DHX34: variants seen among roughly 807,000 people sequenced by gnomAD.
DHX34 encodes DExH-box helicase 34, also known as probable ATP-dependent RNA helicase DHX34.
DHX34 carries 96 observed loss-of-function variants against 111.1 expected under a neutral mutation model. The observed-to-expected ratio is 0.86, with a 90% CI of 0.73 to 1.02. The LOEUF is 1.02. DHX34 is among the 50% of genes least tolerant of loss of function. The probability of loss-of-function intolerance (pLI) is 0.00; values close to 1 mark genes in which losing one functional copy is unlikely to be tolerated. For synonymous variants in DHX34, 688 were observed against 670.4 expected (o/e 1.03, Z -0.41); for missense variants, 1,560 against 1,579.9 (o/e 0.99, Z 0.21).
At chr19:47,369,930 G>T (rs568073485) in intron 7 of DHX34, among the ~76,000 whole-genome samples, 38 of 152,088 alleles carry the variant, frequency 2.5e-4, no homozygotes, top group African/African-American at 7.0e-4. Context: ...CTGATCTCAG[G>T]TCTTCAGTAG....
chr19:47,366,101 T>G (rs986554586), intron 6 of DHX34, among the ~76,000 whole-genome samples: 1 of 152,010 alleles, frequency 6.6e-6, no homozygotes, highest in African/African-American at 2.4e-5. Flanking sequence ...CCAGAGAGGA[T>G]GCTGGGAATG....
chr19:47,370,923 C>T (rs1038382751), intron 7 of DHX34, among the ~76,000 whole-genome samples: 5 of 152,236 alleles, frequency 3.3e-5, no homozygotes, highest in Non-Finnish European at 7.3e-5. Flanking sequence ...ATCCGCCAGC[C>T]TCGGCATCCC....
intron 3 of DHX34, among the ~76,000 whole-genome samples, chr19:47,356,133 GTCT>G (rs1252413721): frequency 6.6e-6 from 1 of 152,144 alleles, no homozygotes; most frequent in Non-Finnish European, 1.5e-5. Flanking sequence ...GATGCTAGTA[GTCT>G]TCTCCTCTGG....
At position 47,364,757 on chromosome 19, in the gene DHX34, G is replaced by A. The variant is rs558055656; in HGVS notation, c.1593+2064G>A. ...TGTCTCATAAAAAAACAAAGTCCAT[G>A]GGGTAGGTAGTCTTACCCTAATTTT... On this transcript the variant is annotated intron_variant, in intron 6 of 16. Coordinates refer to ENST00000328771, the MANE Select transcript of DHX34 (RefSeq NM_014681.6). 2.0e-5 allele frequency among the ~76,000 whole-genome samples: 3 copies of A among 152,170 alleles called. No individual in the cohort carries two copies. In the East Asian group the frequency reaches 5.8e-4, roughly 29 times the overall value.
chr19:47,376,649 C>T, intron 12 of DHX34, 89 bp downstream of exon 12: 3 of 1,499,318 alleles, frequency 2.0e-6, no homozygotes, highest in Non-Finnish European at 2.7e-6. Context: ...GCTGGGGCTC[C>T]CACACCGGCC....
rs1417696750 is a variant in DHX34, at chr19:47,382,121, C to T, written c.*8C>T. ...CGGAAGCAGCACGTGTGAGCTGGGC[C>T]AGGAGCCCTGCCCACCTCCGTGCAG... On this transcript the variant is annotated 3_prime_UTR_variant, in exon 17 of 17. Transcript: ENST00000328771. The T allele has an allele frequency of 6.2e-7, 1 of 1,613,534 alleles. No homozygotes were observed. Among genetic ancestry groups the T allele is most frequent in the Non-Finnish European group, 8.5e-7 (1 of 1,179,868 alleles).
In DHX34 at chr19:47,360,062, T is replaced by TA. The variant is rs1969580546; in HGVS notation, c.1368dup (p.Asp457ArgfsTer25). 1 of 1,613,812 alleles carries TA rather than the reference T, an allele frequency of 6.2e-7. No homozygotes were observed. Among genetic ancestry groups the TA allele is most frequent in the African/African-American group, 1.3e-5 (1 of 74,874 alleles). ...ACCATTGACGGGATCCGCTTCGTAG[T>TA]AGATTCCGGTAAGGACCACCATGAG... On this transcript the variant is annotated frameshift_variant, in exon 5 of 17. Transcript: ENST00000328771. LOFTEE classifies it high-confidence loss of function.
chr19:47,355,631 G>A (rs1379279676), intron 3 of DHX34, among the ~76,000 whole-genome samples: 1 of 152,006 alleles, frequency 6.6e-6, no homozygotes, highest in African/African-American at 2.4e-5. Flanking sequence ...GGTGGATCAC[G>A]AGGTCAGGAG....
chr19:47,350,660 T>C (rs1969257971), intron 1 of DHX34, among the ~76,000 whole-genome samples: 1 of 152,076 alleles, frequency 6.6e-6, no homozygotes, highest in South Asian at 2.1e-4. Context: ...CCTCAGGTGA[T>C]CTGCCTGCCT....
At position 47,379,698 on chromosome 19, in the gene DHX34, C is replaced by T; in HGVS notation, c.2707-12C>T. 6.3e-7 allele frequency: 1 copy of T among 1,586,406 alleles called. No individual in the cohort carries two copies. The highest frequency in any genetic ancestry group is 2.3e-5 in the East Asian group (1 of 44,202). ...CCCACCTACTCCCTGTCTTCTGCCC[C>T]CTCTCTTTCAGTCCCTCCTGCTTTT... On this transcript the variant is annotated splice_polypyrimidine_tract_variant and intron_variant, in intron 13 of 16. Transcript: ENST00000328771.
intron 3 of DHX34, among the ~76,000 whole-genome samples, chr19:47,355,745 G>C (rs1032676039): frequency 6.6e-6 from 1 of 151,996 alleles, no homozygotes; most frequent in Non-Finnish European, 1.5e-5. Context: ...CCAGCTACTC[G>C]GGAGGCTGAG....
Position 47,363,145 on chromosome 19 carries a change from G to A in DHX34, c.1593+452G>A, listed in dbSNP as rs533048237. On this transcript the variant is annotated intron_variant, in intron 6 of 16. Coordinates refer to ENST00000328771, the MANE Select transcript of DHX34 (RefSeq NM_014681.6). ...TTTTGTATTTTTTTTTAGTAGAGAT[G>A]GGGTTACACCATGTTAGCCAGGATG... Among the ~76,000 whole-genome samples, 4 of 151,972 alleles carry A rather than the reference G, an allele frequency of 2.6e-5. No homozygotes were observed. In the East Asian group the frequency reaches 7.8e-4, roughly 30 times the overall value.
At position 47,355,244 on chromosome 19, in the gene DHX34, A is replaced by T. The variant is rs764778236; in HGVS notation, c.911A>T (p.Asp304Val). 1.2e-6 allele frequency: 2 copies of T among 1,614,108 alleles called. No individual in the cohort carries two copies. Among genetic ancestry groups the T allele is most frequent in the Non-Finnish European group, 1.7e-6 (2 of 1,180,004 alleles). ...VLQRLLPTRP[D>V]LKVILMSATI... ...CAGCGCCTGTTGCCCACGCGGCCTG[A>T]CCTCAAGGTCATCCTCATGTCGGCC... Residue 304 changes from aspartate to valine, a missense_variant, in exon 3 of 17, where the codon GAC becomes GTC. By Grantham distance (152) the Asp-to-Val change is radical. Transcript: ENST00000328771.
intron 1 of DHX34, among the ~76,000 whole-genome samples, chr19:47,352,265 T>A (rs1374090980): frequency 6.6e-6 from 1 of 152,248 alleles, no homozygotes; most frequent in Non-Finnish European, 1.5e-5. Context: ...CACAGTCTGA[T>A]GACGTGTGTG....
At chr19:47,379,270 C>T (rs1970272298) in intron 13 of DHX34, among the ~76,000 whole-genome samples, 1 of 152,202 alleles carries the variant, frequency 6.6e-6, no homozygotes, top group Non-Finnish European at 1.5e-5. Context: ...GCCAGTCCTG[C>T]CCTTTCCTCT....
At position 47,372,910 on chromosome 19, in the gene DHX34, A is replaced by G. The variant is rs1347083567; in HGVS notation, c.1949A>G (p.Asn650Ser). 6.2e-7 allele frequency: 1 copy of G among 1,601,048 alleles called. No individual in the cohort carries two copies. Among genetic ancestry groups the G allele is most frequent in the East Asian group, 2.2e-5 (1 of 44,768 alleles). ...GDPFTLFNVF[N>S]AWVQVKSERS... ...CCCTTCACGCTCTTCAACGTCTTCA[A>G]CGCCTGGGTGCAGGTGAGGCTGGTG... is the stretch of plus-strand genomic sequence containing the variant. The change falls in exon 8 of 17, where the codon AAC (asparagine) becomes AGC (serine). Residue 650 changes from asparagine (N) to serine (S), a missense_variant. By Grantham distance (46) the Asn-to-Ser change is conservative. Coordinates refer to ENST00000328771, the MANE Select transcript of DHX34 (RefSeq NM_014681.6).
chr19:47,373,469 G>T (rs534755007), intron 8 of DHX34, 130 bp from the exon 9 acceptor site: 4 of 1,457,550 alleles, frequency 2.7e-6, no homozygotes, highest in African/African-American at 1.4e-5. Context: ...GGGCACTGGG[G>T]CTGAGACCTG....
intron 16 of DHX34, 113 bp from the exon 17 acceptor site, chr19:47,381,867 G>A: frequency 6.5e-7 from 1 of 1,530,226 alleles, no homozygotes; most frequent in Non-Finnish European, 8.7e-7. Context: ...GCAAAACTGG[G>A]TTCTCCAAAG....
intron 1 of DHX34, among the ~76,000 whole-genome samples, chr19:47,350,307 G>A (rs933179623): frequency 5.3e-5 from 8 of 152,132 alleles, no homozygotes; most frequent in African/African-American, 1.7e-4. Context: ...GGGAGGCTGC[G>A]GTGGGAGGAT....
Sources: gnomAD v4.1 joint callset for allele counts (sites outside exome capture counted in the v4.1 genomes callset) on GRCh38, gnomAD v4.1.1 for gene constraint, MANE v1.5 for transcripts, NCBI Gene and HGNC (gene_info 2026-07-23, HGNC 2026-07-21) for gene names.